PIEZO2: variants seen among roughly 807,000 people sequenced by gnomAD.
The protein encoded by PIEZO2 is piezo type mechanosensitive ion channel component 2.
A neutral mutation model predicts 337.3 loss-of-function variants in PIEZO2; 172 were observed. The observed-to-expected ratio is 0.51, with a 90% CI of 0.45 to 0.58. The LOEUF (loss-of-function observed/expected upper bound fraction) is 0.58. PIEZO2 is among the 20% of genes least tolerant of loss of function. PIEZO2 has a pLI of 0.00. For missense variants in PIEZO2, 3,028 were observed against 3,391.3 expected (o/e 0.89, Z 2.66); for synonymous variants, 1,251 against 1,228.5 (o/e 1.02, Z -0.38).
At chr18:11,123,367 C>G (rs2040083099) in intron 1 of PIEZO2, among the ~76,000 whole-genome samples, 1 of 152,174 alleles carries the variant, frequency 6.6e-6, no homozygotes, top group Non-Finnish European at 1.5e-5. Flanking sequence ...TGAAGGCAAG[C>G]TAATTCCAGC....
intron 18 of PIEZO2, among the ~76,000 whole-genome samples, chr18:10,779,999 TCA>T (rs1437178939): frequency 1.3e-5 from 2 of 152,186 alleles, no homozygotes; most frequent in African/African-American, 2.4e-5. Flanking sequence ...AGCTGAGCTC[TCA>T]GTTATGTGTT....
chr18:10,787,678 T>C (rs2039271760), intron 15 of PIEZO2, among the ~76,000 whole-genome samples: 1 of 152,238 alleles, frequency 6.6e-6, no homozygotes, highest in Non-Finnish European at 1.5e-5. Context: ...AGAACATCCA[T>C]CCTGAATTTT....
chr18:10,892,259 AATT>A (rs1457271631), intron 4 of PIEZO2, among the ~76,000 whole-genome samples: 1 of 152,216 alleles, frequency 6.6e-6, no homozygotes, highest in Non-Finnish European at 1.5e-5. Flanking sequence ...AAATATGTAC[AATT>A]ATTATGTATT....
Position 10,920,534 on chromosome 18 carries a change from T to G in PIEZO2, c.287-9306A>C, listed in dbSNP as rs1301486546. 2.0e-5 allele frequency among the ~76,000 whole-genome samples: 3 copies of G among 152,254 alleles called. No homozygotes were observed. In the South Asian group the frequency reaches 6.2e-4, roughly 32 times the overall value. ...TTTTGATAAAATGTGATGAGAAAACTCAGACACACAGCCTTCATGCAATTT... is the reference window on the plus strand; with the variant it reads ...TTTTGATAAAATGTGATGAGAAAACGCAGACACACAGCCTTCATGCAATTT... On this transcript the variant is annotated intron_variant, in intron 3 of 55. Transcript: ENST00000674853.
chr18:11,117,539 T>G (rs4325640), intron 1 of PIEZO2, among the ~76,000 whole-genome samples: 1 of 152,198 alleles, frequency 6.6e-6, no homozygotes, highest in Non-Finnish European at 1.5e-5. Flanking sequence ...ATTTACATAA[T>G]TTCAATGTAA....
chr18:10,946,120 A>G (rs1485714177), intron 3 of PIEZO2, among the ~76,000 whole-genome samples: 2 of 152,222 alleles, frequency 1.3e-5, no homozygotes, highest in Non-Finnish European at 1.5e-5. Flanking sequence ...AAGAAGCTCA[A>G]TGAACCCTAG....
intron 36 of PIEZO2, chr18:10,725,385 AGCCG>A: frequency 6.2e-7 from 1 of 1,606,248 alleles, no homozygotes; most frequent in East Asian, 2.2e-5. Flanking sequence ...GGTGGAGAAC[AGCCG>A]GCCCACATTG....
chr18:10,886,325 T>TACATAC (rs1283249601), intron 4 of PIEZO2, among the ~76,000 whole-genome samples: 4 of 20,530 alleles, frequency 1.9e-4, no homozygotes, highest in East Asian at 4.7e-3. Context: ...TATACATACA[T>TACATAC]ATATATATAT....
At chr18:11,007,328 G>A (rs2035757025) in intron 2 of PIEZO2, among the ~76,000 whole-genome samples, 1 of 152,102 alleles carries the variant, frequency 6.6e-6, no homozygotes, top group South Asian at 2.1e-4. Flanking sequence ...CTCTTTTCTA[G>A]CATAAAATAT....
rs978516956 is a variant in PIEZO2, at chr18:10,689,148, T to C, written c.7497+507A>G. On this transcript the variant is annotated intron_variant, in intron 49 of 55. Coordinates refer to ENST00000674853, the MANE Select transcript of PIEZO2 (RefSeq NM_001378183.1). ...TGCAACAGACTCTTCTTCCATATAT[T>C]AAACTTCTGAGAAGTGCAATAAATA... Among the ~76,000 whole-genome samples the C allele has an allele frequency of 4.6e-5, 7 of 152,216 alleles. No homozygotes were observed. In the East Asian group the frequency reaches 1.3e-3, roughly 29 times the overall value.
chr18:10,726,495 T>C lies in PIEZO2; in HGVS notation c.5029+4912A>G, dbSNP rs1471235058. 1.0e-5 allele frequency: 15 copies of C among 1,502,246 alleles called. No homozygotes were observed. Among genetic ancestry groups the C allele is most frequent in the African/African-American group, 1.4e-5 (1 of 71,878 alleles). 93.1% of individuals were successfully genotyped at this position (1,502,246 alleles called of 1,614,324 possible). On this transcript the variant is annotated intron_variant, in intron 36 of 55. Transcript: ENST00000674853. The surrounding 1 kb of genome is among the most constrained non-coding windows in gnomAD (Gnocchi z 5.9). ...CTGGCCACCCTGCACAGCGTGCTGC[T>C]CCGCAAGCAGCCGTTCCTGTGGCGC...
intron 27 of PIEZO2, among the ~76,000 whole-genome samples, chr18:10,755,736 C>A (rs941160610): frequency 6.6e-6 from 1 of 151,992 alleles, no homozygotes; most frequent in Non-Finnish European, 1.5e-5. Flanking sequence ...AGGGGAGACA[C>A]TGCTCAGGAA....
rs1306561153 is a variant in PIEZO2, at chr18:10,766,802, A to C, written c.2946+3346T>G. Among the ~76,000 whole-genome samples, 3 of 152,224 alleles carry C rather than the reference A, an allele frequency of 2.0e-5. No homozygotes were observed. The highest frequency in any genetic ancestry group is 4.4e-5 in the Non-Finnish European group (3 of 68,024). ...CATCAGGCTGTGAGCTCAGACAAGA[A>C]GTGTGTCTTTCAAGCTACTACACTA... On this transcript the variant is annotated intron_variant, in intron 21 of 55. Transcript: ENST00000674853. This position sits in a 1 kb window ranked among gnomAD's most constrained non-coding sequence, Gnocchi z 6.1.
At chr18:11,050,221 A>G (rs2145845747) in intron 2 of PIEZO2, among the ~76,000 whole-genome samples, 1 of 152,274 alleles carries the variant, frequency 6.6e-6, no homozygotes, top group East Asian at 1.9e-4. Flanking sequence ...ATTGATAATA[A>G]AACACCTAAT....
chr18:11,042,430 A>G (rs567102752), intron 2 of PIEZO2, among the ~76,000 whole-genome samples: 1 of 152,352 alleles, frequency 6.6e-6, no homozygotes, highest in African/African-American at 2.4e-5. Context: ...TTAGATAGCT[A>G]GTGTGGGAAG....
rs2033338839 is a variant in PIEZO2 at position 10,952,473 on chromosome 18, A to T, written c.286+27062T>A. Among the ~76,000 whole-genome samples the T allele has an allele frequency of 6.6e-6, 1 of 152,184 alleles. No individual in the cohort carries two copies. The highest frequency in any genetic ancestry group is 1.5e-5 in the Non-Finnish European group (1 of 68,032). On this transcript the variant is annotated intron_variant, in intron 3 of 55. Coordinates refer to ENST00000674853, the MANE Select transcript of PIEZO2 (RefSeq NM_001378183.1). This position sits in a 1 kb window ranked among gnomAD's most constrained non-coding sequence, Gnocchi z 4.1. ...TTGTAAATATAATCATATAGTATGT[A>T]GCATTCTGATACTGTCTGAATTCAC...
At chr18:10,827,642 A>C (rs1356691222) in intron 7 of PIEZO2, among the ~76,000 whole-genome samples, 1 of 152,232 alleles carries the variant, frequency 6.6e-6, no homozygotes, top group Non-Finnish European at 1.5e-5. Flanking sequence ...TAGAACTGCC[A>C]GATGGTATTG....
intron 2 of PIEZO2, among the ~76,000 whole-genome samples, chr18:11,026,010 G>T (rs2036527205): frequency 6.6e-6 from 1 of 152,134 alleles, no homozygotes; most frequent in African/African-American, 2.4e-5. Context: ...CCCCTTTTCA[G>T]AGCTGCTCAG....
rs377470727 is a variant in PIEZO2, at chr18:10,941,897, T to C, written c.287-30669A>G. ...CCCACATGTTGTGGGAGGGACCCAG[T>C]GGGAGATGACTGAATCATGGGGGGT... is the stretch of plus-strand genomic sequence containing the variant. On this transcript the variant is annotated intron_variant, in intron 3 of 55. Transcript: ENST00000674853. 1.5e-4 allele frequency among the ~76,000 whole-genome samples: 23 copies of C among 152,256 alleles called. No individual in the cohort carries two copies. The East Asian group carries it at 3.7e-3, about 24-fold the overall frequency.
Sources: gnomAD v4.1 joint callset for allele counts (sites outside exome capture counted in the v4.1 genomes callset) on GRCh38, gnomAD v4.1.1 for gene constraint, Gnocchi (gnomAD v3.1) non-coding constraint, MANE v1.5 for transcripts, NCBI Gene and HGNC (gene_info 2026-07-23, HGNC 2026-07-21) for gene names.